KIF26B: variants seen among roughly 807,000 people sequenced by gnomAD.
The protein encoded by KIF26B is kinesin-like protein KIF26B.
A neutral mutation model predicts 151.2 loss-of-function variants in KIF26B; 63 were observed. That is an observed-to-expected ratio of 0.42 (90% CI 0.34 to 0.51). KIF26B has a LOEUF of 0.51. Among genes scored for constraint, KIF26B ranks in the 20% least tolerant of loss-of-function variants. The pLI is 0.07. For missense variants in KIF26B, 2,813 were observed against 2,913.6 expected (o/e 0.97, Z 0.79); for synonymous variants, 1,357 against 1,262.1 (o/e 1.08, Z -1.59).
chr1:245,475,351 G>A (rs1433013290), intron 4 of KIF26B, among the ~76,000 whole-genome samples: 6 of 151,814 alleles, frequency 4.0e-5, no homozygotes, highest in Non-Finnish European at 8.8e-5. Flanking sequence ...CGAAGACTTG[G>A]TTGAGTAACA....
chr1:245,157,369 A>G (rs1231851852), intron 2 of KIF26B, among the ~76,000 whole-genome samples: 1 of 152,244 alleles, frequency 6.6e-6, no homozygotes, highest in Non-Finnish European at 1.5e-5. Context: ...TCCAAGTACT[A>G]TCAAATGATC....
intron 3 of KIF26B, among the ~76,000 whole-genome samples, chr1:245,369,176 A>AGG (rs367562535): frequency 2.9e-4 from 37 of 125,974 alleles, no homozygotes; most frequent in African/African-American, 1.3e-3. Flanking sequence ...AGTGAGAGAG[A>AGG]GAGAGAGAGA....
intron 9 of KIF26B, among the ~76,000 whole-genome samples, chr1:245,628,594 G>GT (rs1183997688): frequency 6.6e-6 from 1 of 152,150 alleles, no homozygotes; most frequent in Non-Finnish European, 1.5e-5. Flanking sequence ...AGGTATTGAT[G>GT]GAACGTTTCT....
chr1:245,571,591 CT>C (rs2043066475), intron 5 of KIF26B, among the ~76,000 whole-genome samples: 1 of 152,180 alleles, frequency 6.6e-6, no homozygotes, highest in Admixed American at 6.5e-5. Context: ...TCTCTAAACA[CT>C]TTAAGTAACA....
At chr1:245,634,673 C>A (rs1269734123) in intron 9 of KIF26B, among the ~76,000 whole-genome samples, 1 of 152,016 alleles carries the variant, frequency 6.6e-6, no homozygotes, top group African/African-American at 2.4e-5. Context: ...AAATAAACCT[C>A]ACTTGCTCAT....
intron 12 of KIF26B, among the ~76,000 whole-genome samples, chr1:245,691,696 C>A (rs140194439): frequency 6.6e-6 from 1 of 152,144 alleles, no homozygotes; most frequent in African/African-American, 2.4e-5. Flanking sequence ...TCTGAGATGG[C>A]TTTTGAATTT....
At position 245,686,508 on chromosome 1, in the gene KIF26B, G is replaced by A. The variant is rs368242973; in HGVS notation, c.3525G>A (p.Thr1175=). ...AGATCCTGAGCACCACGATGGTGAC[G>A]GTGCAGCAGCCACTGGAGCTGAACG... is the stretch of plus-strand genomic sequence containing the variant. ...KKEILSTTMV[T]VQQPLELNGE... is the part of the protein sequence containing the mutation. The change falls in exon 12 of 15, where the codon ACG becomes ACA. Residue 1175 remains threonine (T), a synonymous_variant. Coordinates refer to ENST00000407071, the MANE Select transcript of KIF26B (RefSeq NM_018012.4). The surrounding 1 kb of genome is among the most constrained non-coding windows in gnomAD (Gnocchi z 5.6). 21 of 1,612,560 alleles carry A rather than the reference G, an allele frequency of 1.3e-5. No homozygotes were observed. The highest frequency in any genetic ancestry group is 2.7e-5 in the African/African-American group (2 of 74,932).
Position 245,687,830 on chromosome 1 carries a change from A to C in KIF26B, c.4847A>C (p.His1616Pro). 1 of 1,596,752 alleles carries C rather than the reference A, an allele frequency of 6.3e-7. No homozygotes were observed. The change falls in exon 12 of 15, where the codon CAC (histidine) becomes CCC (proline). Residue 1616 changes from histidine (H) to proline (P), a missense_variant. Transcript: ENST00000407071. This position sits in a 1 kb window ranked among gnomAD's most constrained non-coding sequence, Gnocchi z 4.9. ...CAGAAGAACCGGGCCAGCCCTCAGC[A>C]CAGTGCCAGCGGCAGCGGCACCAGC... ...LDQKNRASPQ[H>P]SASGSGTSSP...
intron 2 of KIF26B, among the ~76,000 whole-genome samples, chr1:245,162,812 G>C (rs2103518273): frequency 6.6e-6 from 1 of 152,330 alleles, no homozygotes; most frequent in East Asian, 1.9e-4. Context: ...AACTGCTCCA[G>C]AGCCTATCTG....
intron 10 of KIF26B, among the ~76,000 whole-genome samples, chr1:245,671,438 T>C (rs1012658015): frequency 2.0e-5 from 3 of 152,116 alleles, no homozygotes; most frequent in South Asian, 2.1e-4. Context: ...GGCAAATTCA[T>C]AGAGACACAA....
intron 6 of KIF26B, among the ~76,000 whole-genome samples, chr1:245,604,537 G>T (rs1361575228): frequency 6.6e-6 from 1 of 152,164 alleles, no homozygotes. Flanking sequence ...CTGACGTTTG[G>T]TCTAACAAAT....
intron 4 of KIF26B, among the ~76,000 whole-genome samples, chr1:245,534,312 G>A (rs1448114756): frequency 2.0e-5 from 3 of 151,970 alleles, no homozygotes; most frequent in Non-Finnish European, 4.4e-5. Context: ...ACAGGTGTGC[G>A]CCACCATGCC....
At chr1:245,422,401 C>T (rs1658510888) in intron 4 of KIF26B, among the ~76,000 whole-genome samples, 1 of 152,010 alleles carries the variant, frequency 6.6e-6, no homozygotes, top group Admixed American at 6.6e-5. Context: ...ATTAATAACC[C>T]CCCTGTCACT....
At chr1:245,348,400 G>A (rs2102999248) in intron 2 of KIF26B, among the ~76,000 whole-genome samples, 1 of 152,294 alleles carries the variant, frequency 6.6e-6, no homozygotes, top group Middle Eastern at 3.4e-3. Flanking sequence ...AAACACCACA[G>A]TCTGGGTGGC....
At chr1:245,436,107 G>A (rs1177696697) in intron 4 of KIF26B, among the ~76,000 whole-genome samples, 1 of 151,850 alleles carries the variant, frequency 6.6e-6, no homozygotes, top group Non-Finnish European at 1.5e-5. Flanking sequence ...AACCTGGGAG[G>A]TGGAGGTTGC....
chr1:245,315,710 CA>C (rs34972152), intron 2 of KIF26B, among the ~76,000 whole-genome samples: 68,714 of 119,438 alleles, frequency 0.58, 17,306 homozygotes, highest in East Asian at 0.7. Flanking sequence ...TGACAGAGTG[CA>C]AAAAAAAAAA....
At chr1:245,330,122 T>TAA (rs1458420749) in intron 2 of KIF26B, among the ~76,000 whole-genome samples, 1 of 151,748 alleles carries the variant, frequency 6.6e-6, no homozygotes, top group African/African-American at 2.4e-5. Context: ...GGAGCTGAGT[T>TAA]ATCTGAGCAG....
intron 3 of KIF26B, among the ~76,000 whole-genome samples, chr1:245,401,344 A>G (rs962146792): frequency 3.3e-5 from 5 of 152,234 alleles, no homozygotes; most frequent in African/African-American, 1.2e-4. Flanking sequence ...GTTTCCTTCC[A>G]ATAAGCAAAA....
intron 2 of KIF26B, among the ~76,000 whole-genome samples, chr1:245,317,958 G>A (rs1171066990): frequency 6.6e-6 from 1 of 152,132 alleles, no homozygotes; most frequent in African/African-American, 2.4e-5. Context: ...CACGCATGGG[G>A]ATTTCACACT....
Sources: gnomAD v4.1 joint callset for allele counts (sites outside exome capture counted in the v4.1 genomes callset) on GRCh38, gnomAD v4.1.1 for gene constraint, Gnocchi (gnomAD v3.1) non-coding constraint, MANE v1.5 for transcripts, NCBI Gene and HGNC (gene_info 2026-07-23, HGNC 2026-07-21) for gene names.